Variants in CLCN7 observed in about 807,000 individuals in gnomAD.
CLCN7 encodes Cl-/H+ antiporter 7.
In CLCN7, 60 loss-of-function variants were observed where a neutral mutation model predicts 102.1. That is an observed-to-expected ratio of 0.59 (90% confidence interval 0.48 to 0.73). CLCN7 has a LOEUF of 0.73. CLCN7 is among the 30% of genes least tolerant of loss of function. The probability of loss-of-function intolerance (pLI) is 0.00; values close to 1 mark genes in which losing one functional copy is unlikely to be tolerated. For synonymous variants in CLCN7, 560 were observed against 490.5 expected (o/e 1.14, Z -1.87); for missense variants, 962 against 1,125.7 (o/e 0.85, Z 2.08).
chr16:1,454,312 G>A, intron 13 of CLCN7, 99 bp downstream of exon 13: 3 of 1,286,198 alleles, frequency 2.3e-6, no homozygotes, highest in Non-Finnish European at 3.4e-6. Flanking sequence ...ATGAGGGCAG[G>A]CTCCAGGGAG....
chr16:1,457,798 G>C lies in CLCN7; in HGVS notation c.676-42C>G, dbSNP rs773619882. On this transcript the variant is annotated intron_variant, in intron 7 of 24. Coordinates refer to ENST00000382745, the MANE Select transcript of CLCN7 (RefSeq NM_001287.6). The surrounding 1 kb of genome is among the most constrained non-coding windows in gnomAD (Gnocchi z 5.4). ...CGCATGGCCTCTGATGAAAAGGCAGGCGCTGTCTTTGGACCTGAGCCGTAA... is the reference window on the plus strand; with the variant it reads ...CGCATGGCCTCTGATGAAAAGGCAGCCGCTGTCTTTGGACCTGAGCCGTAA... 1.3e-6 allele frequency: 2 copies of C among 1,588,666 alleles called. No homozygotes were observed. The highest frequency in any genetic ancestry group is 1.7e-4 in the Middle Eastern group (1 of 6,026).
chr16:1,450,746 G>GAAGAGGGTGCC (rs2038735720), intron 16 of CLCN7, 80 bp from the exon 17 acceptor site: 1 of 1,287,312 alleles, frequency 7.8e-7, no homozygotes, highest in Non-Finnish European at 1.1e-6. Flanking sequence ...CCAGTCTCGG[G>GAAGAGGGTGCC]CCTCACAGTC....
chr16:1,462,770 CG>C (rs1285072998), intron 2 of CLCN7, among the ~76,000 whole-genome samples: 1 of 151,114 alleles, frequency 6.6e-6, no homozygotes, highest in African/African-American at 2.5e-5. Context: ...AAAACATGTA[CG>C]ATCAATTGAT....
At position 1,449,034 on chromosome 16, in the gene CLCN7, C is replaced by CGTTGCTGGTG; in HGVS notation, c.1719_1728dup (p.Val577HisfsTer26). On this transcript the variant is annotated frameshift_variant, in exon 19 of 25. Coordinates refer to ENST00000382745, the MANE Select transcript of CLCN7 (RefSeq NM_001287.6). LOFTEE classifies it high-confidence loss of function. Reference sequence around the variant, plus strand: ...AGCATGATGGGGAAGCCGTAGGTCACGTTGCTGGTGGCCTCCATCATGATG... The same window carrying CGTTGCTGGTG: ...AGCATGATGGGGAAGCCGTAGGTCACGTTGCTGGTGGTTGCTGGTGGCCTCCATCATGATG... 1 of 1,612,888 alleles carries CGTTGCTGGTG rather than the reference C, an allele frequency of 6.2e-7. No homozygotes were observed. The highest frequency in any genetic ancestry group is 8.5e-7 in the Non-Finnish European group (1 of 1,180,016).
intron 2 of CLCN7, among the ~76,000 whole-genome samples, chr16:1,463,809 C>G (rs568989718): frequency 6.6e-6 from 1 of 151,880 alleles, no homozygotes; most frequent in African/African-American, 2.4e-5. Context: ...GGATCTCACT[C>G]TGTCACCCAG....
In CLCN7 at chr16:1,449,280, C is replaced by G; in HGVS notation, c.1665G>C (p.Gln555His). ...GKYALMGAAAQLGGIVRMTLS... is the reference protein window; with the variant it reads ...GKYALMGAAAHLGGIVRMTLS... Reference sequence around the variant, plus strand: ...CGGGCAAGAGCTGGGACATACCCAGCTGGGCAGCAGCTCCCATCAGGGCGT... The same window carrying G: ...CGGGCAAGAGCTGGGACATACCCAGGTGGGCAGCAGCTCCCATCAGGGCGT... The change falls in exon 18 of 25, where the codon CAG becomes CAC. Residue 555 changes from glutamine (Q) to histidine (H), a missense_variant. Physicochemically the swap from Gln to His is conservative, Grantham distance 24. Coordinates refer to ENST00000382745, the MANE Select transcript of CLCN7 (RefSeq NM_001287.6). 1 of 1,585,630 alleles carries G rather than the reference C, an allele frequency of 6.3e-7. No individual in the cohort carries two copies. The highest frequency in any genetic ancestry group is 8.6e-7 in the Non-Finnish European group (1 of 1,166,398).
Position 1,474,903 on chromosome 16 carries a change from C to T in CLCN7, c.72G>A (p.Leu24=), listed in dbSNP as rs1027013306. ...CCCCGCCGGGCCGCGCCGTCCTCCGCAGCAGCGGCGCCGCCTCCTCGTCGT... is the reference window on the plus strand; with the variant it reads ...CCCCGCCGGGCCGCGCCGTCCTCCGTAGCAGCGGCGCCGCCTCCTCGTCGT... ...DRDDEEAAPL[L]RRTARPGGGT... Residue 24 remains leucine, a synonymous_variant, in exon 1 of 25, where the codon CTG becomes CTA. Coordinates refer to ENST00000382745, the MANE Select transcript of CLCN7 (RefSeq NM_001287.6). 9 of 1,462,866 alleles carry T rather than the reference C, an allele frequency of 6.2e-6. No individual in the cohort carries two copies. In the African/African-American group the frequency reaches 1.2e-4, roughly 19 times the overall value. 90.6% of individuals were successfully genotyped at this position (1,462,866 alleles called of 1,614,324 possible).
intron 17 of CLCN7, chr16:1,449,794 C>T: frequency 4.7e-6 from 1 of 211,888 alleles, no homozygotes; most frequent in Non-Finnish European, 9.4e-6. Flanking sequence ...GCCGCACTGC[C>T]TCGTGAACGT....
Position 1,447,507 on chromosome 16 carries a change from C to T in CLCN7, c.2135G>A (p.Arg712Gln), listed in dbSNP as rs760171498. The change falls in exon 23 of 25, where the codon CGA (arginine) becomes CAA (glutamine). Residue 712 changes from arginine to glutamine, a missense_variant. Arg to Gln is a conservative substitution (Grantham distance 43). This residue lies in a region of CLCN7 where 799 missense variants were observed against 988.0 expected (regional missense o/e 0.81). Transcript: ENST00000382745. ...VQRRLRLKDF[R>Q]DAYPRFPPIQ... ...GGGTGGGAAGCGCGGGTAGGCGTCT[C>T]GGAAGTCCTTCAGCCTCAGGCGCCG... is the stretch of plus-strand genomic sequence containing the variant. 1.5e-5 allele frequency: 24 copies of T among 1,554,818 alleles called. No homozygotes were observed. Among genetic ancestry groups the T allele is most frequent in the Non-Finnish European group, 2.0e-5 (23 of 1,149,504 alleles).
At chr16:1,468,791 G>A (rs2142401533) in intron 1 of CLCN7, among the ~76,000 whole-genome samples, 1 of 152,286 alleles carries the variant, frequency 6.6e-6, no homozygotes. Flanking sequence ...CTTGGTTTTG[G>A]GGCTGCGCTG....
chr16:1,453,008 T>A, intron 14 of CLCN7, 115 bp from the exon 15 acceptor site: 1 of 1,437,368 alleles, frequency 7.0e-7, no homozygotes, highest in Non-Finnish European at 9.5e-7. Flanking sequence ...GCTTTTTGTT[T>A]GTTTGTTTTT....
chr16:1,460,706 C>G lies in CLCN7; in HGVS notation c.484+110G>C, dbSNP rs35436553. On this transcript the variant is annotated intron_variant, in intron 5 of 24. Transcript: ENST00000382745. ...ATGACAGGGACACAGCCAGCCTGGC[C>G]GGGCCGCCTCCACCTGCACTGGAAC... is the stretch of plus-strand genomic sequence containing the variant. 194,747 of 1,538,166 alleles carry G rather than the reference C, an allele frequency of 0.13. 13,181 individuals are homozygous for G. The highest frequency in any genetic ancestry group is 0.17 in the African/African-American group (12,634 of 73,578).
In CLCN7 at chr16:1,457,660, G is replaced by A. The variant is rs894853107; in HGVS notation, c.738+34C>T. ...GCCCTCGCGGGCCCGGCGGCCTCAG[G>A]CTCCAGCTGGAGTGGCCATGTGCAC... On this transcript the variant is annotated intron_variant, in intron 8 of 24. Coordinates refer to ENST00000382745, the MANE Select transcript of CLCN7 (RefSeq NM_001287.6). This position sits in a 1 kb window ranked among gnomAD's most constrained non-coding sequence, Gnocchi z 5.4. 5 of 1,610,336 alleles carry A rather than the reference G, an allele frequency of 3.1e-6. No individual in the cohort carries two copies. Among genetic ancestry groups the A allele is most frequent in the East Asian group, 2.2e-5 (1 of 44,858 alleles).
chr16:1,450,094 G>T (rs930911527), intron 17 of CLCN7: 3 of 221,612 alleles, frequency 1.4e-5, no homozygotes, highest in Non-Finnish European at 2.7e-5. Context: ...GAAGGCCTGC[G>T]GGGGCTGAGG....
chr16:1,463,244 C>A (rs993533317), intron 2 of CLCN7, among the ~76,000 whole-genome samples: 1 of 152,102 alleles, frequency 6.6e-6, no homozygotes, highest in Admixed American at 6.5e-5. Context: ...TAGGAAAAAA[C>A]GGGTCAGTCG....
intron 1 of CLCN7, 37 bp from the exon 2 acceptor site, chr16:1,465,375 G>A (rs750717981): frequency 1.1e-5 from 17 of 1,570,082 alleles, no homozygotes; most frequent in South Asian, 9.0e-5. Context: ...GCGCTCAGGC[G>A]TCGCACGCTC....
chr16:1,448,118 G>A (rs753461588), intron 21 of CLCN7, among the ~76,000 whole-genome samples: 1 of 152,142 alleles, frequency 6.6e-6, no homozygotes, highest in Non-Finnish European at 1.5e-5. Flanking sequence ...CCAGTGCCAC[G>A]GCTCTCAGCC....
chr16:1,462,213 C>T (rs2038947704), intron 2 of CLCN7, among the ~76,000 whole-genome samples: 1 of 151,452 alleles, frequency 6.6e-6, no homozygotes, highest in African/African-American at 2.4e-5. Flanking sequence ...CCTAGGAATA[C>T]AAGTTAGTTT....
Position 1,451,660 on chromosome 16 carries a change from C to T in CLCN7, c.1410G>A (p.Pro470=), listed in dbSNP as rs751240482. 52 of 1,612,586 alleles carry T rather than the reference C, an allele frequency of 3.2e-5. 1 individual carries two copies. Among genetic ancestry groups the T allele is most frequent in the Admixed American group, 1.5e-4 (9 of 59,992 alleles). The stretch of plus-strand genomic sequence containing the variant: ...GGAAGAGGCTCACCACGCTCTTCTC[C>T]GGGGTGTTGAAGAAGGCCGCAGCCA... ...NSMAAAFFNT[P]EKSVVSLFHD... is the part of the protein sequence containing the mutation. Residue 470 remains proline (P), a synonymous_variant, in exon 16 of 25, where the codon CCG becomes CCA. Transcript: ENST00000382745.
Sources: gnomAD v4.1 joint callset for allele counts (sites outside exome capture counted in the v4.1 genomes callset) on GRCh38, gnomAD v4.1.1 for gene constraint, gnomAD v4.1.1 regional missense constraint, Gnocchi (gnomAD v3.1) non-coding constraint, MANE v1.5 for transcripts, NCBI Gene and HGNC (gene_info 2026-07-23, HGNC 2026-07-21) for gene names.